Variants in MYRIP observed in about 807,000 individuals in gnomAD.
MYRIP encodes myosin VIIA and Rab interacting protein.
A neutral mutation model predicts 98.0 loss-of-function variants in MYRIP; 49 were observed. That is an observed-to-expected ratio of 0.50 (90% CI 0.40 to 0.63). The LOEUF (loss-of-function observed/expected upper bound fraction) is 0.63. Ranked by LOEUF, MYRIP falls within the 30% of genes least tolerant of loss-of-function variation. The pLI is 0.00. For missense variants in MYRIP, 1,004 were observed against 1,058.2 expected (o/e 0.95, Z 0.71); for synonymous variants, 404 against 409.5 (o/e 0.99, Z 0.16).
intron 4 of MYRIP, among the ~76,000 whole-genome samples, chr3:40,154,443 C>T (rs1199954508): frequency 1.3e-5 from 2 of 152,124 alleles, no homozygotes; most frequent in African/African-American, 4.8e-5. Flanking sequence ...AGCCAAAACT[C>T]TAGTGGAGAA....
At chr3:40,255,108 A>G (rs1256123301) in intron 16 of MYRIP, among the ~76,000 whole-genome samples, 1 of 152,218 alleles carries the variant, frequency 6.6e-6, no homozygotes, top group Non-Finnish European at 1.5e-5. Context: ...CTGACCTTTT[A>G]AAGTCTAATT....
intron 2 of MYRIP, among the ~76,000 whole-genome samples, chr3:40,042,816 G>T (rs184833029): frequency 2.6e-5 from 4 of 152,236 alleles, no homozygotes; most frequent in Admixed American, 1.3e-4. Context: ...ACTGTCATAA[G>T]TTGAAAATGC....
chr3:40,041,460 C>A lies in MYRIP; in HGVS notation c.111-2590C>A, dbSNP rs538129727. ...GACGACACACTGCTTCTGTGATATT[C>A]CCACCCAGAATGTAAAACCCTCACC... is the stretch of plus-strand genomic sequence containing the variant. On this transcript the variant is annotated intron_variant, in intron 2 of 16. Transcript: ENST00000302541. Among the ~76,000 whole-genome samples the A allele has an allele frequency of 6.0e-5, 9 of 150,792 alleles. No homozygotes were observed. The East Asian group carries it at 1.6e-3, about 26-fold the overall frequency.
intron 1 of MYRIP, among the ~76,000 whole-genome samples, chr3:39,859,110 G>GA (rs3062463): frequency 0.036 from 4,781 of 132,278 alleles, 93 homozygotes; most frequent in Non-Finnish European, 0.047. Context: ...TTGGTTTTTT[G>GA]AAAAAAAAAA....
In MYRIP at chr3:39,919,723, T is replaced by TGA. The variant is rs1461895990; in HGVS notation, c.110+18798_110+18799insAG. 1.3e-3 allele frequency among the ~76,000 whole-genome samples: 192 copies of TGA among 146,804 alleles called. 2 individuals are homozygous for TGA. The highest frequency in any genetic ancestry group is 0.012 in the East Asian group (58 of 4,888). On this transcript the variant is annotated intron_variant, in intron 2 of 16. Coordinates refer to ENST00000302541, the MANE Select transcript of MYRIP (RefSeq NM_015460.4). ...GTGTGTGTGTGTGTGTGTGTGTGTG[T>TGA]GTGTGAGAGAGAGAGAGAGAGAGAG...
chr3:39,956,303 A>C (rs1201548536), intron 2 of MYRIP, among the ~76,000 whole-genome samples: 1 of 152,230 alleles, frequency 6.6e-6, no homozygotes, highest in African/African-American at 2.4e-5. Flanking sequence ...GCAAATGTAA[A>C]AGAACAGAAA....
intron 1 of MYRIP, among the ~76,000 whole-genome samples, chr3:39,844,397 C>T (rs1187667677): frequency 6.6e-6 from 1 of 152,202 alleles, no homozygotes; most frequent in East Asian, 1.9e-4. Flanking sequence ...CTCACAGAAT[C>T]ATTCATAAAT....
chr3:39,953,867 A>T (rs1945089434), intron 2 of MYRIP, among the ~76,000 whole-genome samples: 1 of 152,206 alleles, frequency 6.6e-6, no homozygotes, highest in Non-Finnish European at 1.5e-5. Context: ...ATTATATCCC[A>T]TGCCTGACTC....
Position 40,130,162 on chromosome 3 carries a change from C to T in MYRIP, c.333-20886C>T, listed in dbSNP as rs79380828. Among the ~76,000 whole-genome samples the T allele has an allele frequency of 3.7e-3, 566 of 152,264 alleles. 3 individuals are homozygous for T. Among genetic ancestry groups the T allele is most frequent in the African/African-American group, 0.013 (544 of 41,546 alleles). On this transcript the variant is annotated intron_variant, in intron 3 of 16. Transcript: ENST00000302541. ...CTAGGATTTCTGGAATAAAAATAAC[C>T]TGATCAGATGTCAAGGCACTGACCC...
At chr3:40,057,565 A>C (rs533817828) in intron 3 of MYRIP, among the ~76,000 whole-genome samples, 2 of 152,300 alleles carry the variant, frequency 1.3e-5, no homozygotes, top group African/African-American at 4.8e-5. Flanking sequence ...TCCTGCTCAG[A>C]GGCCCCAGTG....
At chr3:40,256,518 T>C (rs1452582895) in intron 16 of MYRIP, among the ~76,000 whole-genome samples, 2 of 151,572 alleles carry the variant, frequency 1.3e-5, no homozygotes, top group Admixed American at 1.3e-4. Context: ...TACATCTACA[T>C]CTAGAAGTTA....
At chr3:39,966,535 A>G (rs1580213) in intron 2 of MYRIP, among the ~76,000 whole-genome samples, 19,528 of 152,174 alleles carry the variant, frequency 0.13, 2,214 homozygotes, top group African/African-American at 0.3. Flanking sequence ...GTGGAGGGGT[A>G]AACCAAAAGT....
intron 12 of MYRIP, among the ~76,000 whole-genome samples, chr3:40,243,852 T>A (rs927699244): frequency 1.3e-5 from 2 of 152,238 alleles, no homozygotes; most frequent in Admixed American, 6.5e-5. Flanking sequence ...ATTGTCCTAA[T>A]TGACAGATAA....
chr3:40,063,113 C>CAT (rs1359687524), intron 3 of MYRIP, among the ~76,000 whole-genome samples: 1 of 152,118 alleles, frequency 6.6e-6, no homozygotes. Context: ...CAAACAAATA[C>CAT]ATATATATAA....
At chr3:40,054,558 G>A (rs1412444688) in intron 3 of MYRIP, among the ~76,000 whole-genome samples, 1 of 152,124 alleles carries the variant, frequency 6.6e-6, no homozygotes, top group Non-Finnish European at 1.5e-5. Flanking sequence ...CCTTCACAAT[G>A]TGGGTGAGCC....
intron 2 of MYRIP, among the ~76,000 whole-genome samples, chr3:40,002,634 G>A (rs919336386): frequency 5.3e-5 from 8 of 152,066 alleles, no homozygotes; most frequent in African/African-American, 1.9e-4. Context: ...CTGCCTCAGA[G>A]ACATAAGGAA....
chr3:40,242,771 G>A (rs1239713095), intron 12 of MYRIP, among the ~76,000 whole-genome samples: 1 of 151,970 alleles, frequency 6.6e-6, no homozygotes, highest in East Asian at 1.9e-4. Context: ...CTTTTTTGGT[G>A]TAGATAGGGA....
intron 2 of MYRIP, among the ~76,000 whole-genome samples, chr3:39,906,937 T>C (rs1301330640): frequency 6.6e-6 from 1 of 152,222 alleles, no homozygotes; most frequent in Non-Finnish European, 1.5e-5. Context: ...AGGCAGACCA[T>C]CCAGGTTCAG....
intron 3 of MYRIP, among the ~76,000 whole-genome samples, chr3:40,084,740 ATATG>A (rs1948579351): frequency 2.8e-5 from 4 of 145,128 alleles, no homozygotes; most frequent in African/African-American, 7.6e-5. Flanking sequence ...TCGATAGATA[ATATG>A]TATCTATGTG....
Sources: allele counts gnomAD v4.1 joint callset (sites outside exome capture counted in the v4.1 genomes callset), GRCh38; gene constraint gnomAD v4.1.1; transcripts MANE v1.5; gene names NCBI Gene and HGNC (gene_info 2026-07-23, HGNC 2026-07-21).